Variants in AIM2 observed in about 807,000 individuals in gnomAD.
The protein encoded by AIM2 is interferon-inducible protein AIM2.
AIM2 carries 30 observed loss-of-function variants against 27.7 expected under a neutral mutation model. The observed-to-expected ratio is 1.08, with a 90% confidence interval of 0.81 to 1.47. The LOEUF is 1.47. Among genes scored for constraint, AIM2 ranks in the 40% most tolerant of loss-of-function variants. AIM2 has a pLI of 0.00. For synonymous variants in AIM2, 141 were observed against 145.3 expected, an observed-to-expected ratio of 0.97 and a Z score of 0.21; for missense variants, 358 against 411.3, an observed-to-expected ratio of 0.87 and a Z score of 1.12.
chr1:159,095,418 T>C (rs1657154137), intron 1 of AIM2, among the ~76,000 whole-genome samples: 1 of 152,170 alleles, frequency 6.6e-6, no homozygotes, highest in Admixed American at 6.6e-5. Context: ...GAATTCTCAG[T>C]ACTGAGGGCT....
intron 1 of AIM2, among the ~76,000 whole-genome samples, chr1:159,118,673 A>G (rs920306275): frequency 1.3e-5 from 2 of 152,162 alleles, no homozygotes; most frequent in Non-Finnish European, 2.9e-5. Context: ...TGGTTCCAAA[A>G]TTCATTGATA....
chr1:159,056,596 A>G, the AIM2 span, among the ~76,000 whole-genome samples: 1 of 151,958 alleles, frequency 6.6e-6, no homozygotes, highest in South Asian at 2.1e-4. Context: ...GAAGGCAAGA[A>G]GAGACAAATT....
At chr1:159,146,069 G>A (rs1648196767) in intron 1 of AIM2, among the ~76,000 whole-genome samples, 1 of 150,842 alleles carries the variant, frequency 6.6e-6, no homozygotes, top group Non-Finnish European at 1.5e-5. Context: ...TCACGCCACT[G>A]CACTCCAGCC....
At chr1:159,113,812 C>T (rs543606225) in intron 1 of AIM2, among the ~76,000 whole-genome samples, 1 of 152,258 alleles carries the variant, frequency 6.6e-6, no homozygotes, top group East Asian at 1.9e-4. Context: ...AGATAGAGTT[C>T]TTTATTGAAT....
the AIM2 span, among the ~76,000 whole-genome samples, chr1:159,056,748 A>AAAAAC: frequency 1.4e-5 from 2 of 138,544 alleles, no homozygotes; most frequent in East Asian, 4.4e-4. Flanking sequence ...AAAAAAAAAA[A>AAAAAC]CTACCCTTTA....
At chr1:159,115,594 T>C (rs1647314407) in intron 1 of AIM2, among the ~76,000 whole-genome samples, 1 of 152,220 alleles carries the variant, frequency 6.6e-6, no homozygotes, top group African/African-American at 2.4e-5. Flanking sequence ...AACGATTCCC[T>C]ATTTAATAAA....
chr1:159,128,800 C>A (rs2102047673), intron 1 of AIM2, among the ~76,000 whole-genome samples: 1 of 152,284 alleles, frequency 6.6e-6, no homozygotes, highest in East Asian at 1.9e-4. Context: ...TCCTAGTCAG[C>A]TCACTCTTCA....
chr1:159,055,904 C>T, the AIM2 span, among the ~76,000 whole-genome samples: 5 of 152,238 alleles, frequency 3.3e-5, no homozygotes, highest in East Asian at 7.7e-4. Context: ...AAGGCAAAGT[C>T]ACTTTCTTAA....
chr1:159,068,965 C>T (rs930043842), intron 2 of AIM2, among the ~76,000 whole-genome samples: 1 of 151,872 alleles, frequency 6.6e-6, no homozygotes. Flanking sequence ...ATAGGGAGAC[C>T]CTATCTTTAC....
chr1:159,115,704 T>C (rs1222242721), intron 1 of AIM2, among the ~76,000 whole-genome samples: 3 of 152,184 alleles, frequency 2.0e-5, no homozygotes, highest in South Asian at 2.1e-4. Flanking sequence ...AAGACTTAAA[T>C]GTTAGACCTA....
chr1:159,066,445 G>C (rs1037055225), intron 3 of AIM2, 116 bp from the exon 4 acceptor site: 7 of 1,063,176 alleles, frequency 6.6e-6, no homozygotes, highest in South Asian at 1.6e-5. Flanking sequence ...GTGGAATCAA[G>C]GGAAGAGATA....
chr1:159,128,260 TACACACAC>T (rs35254795), intron 1 of AIM2, among the ~76,000 whole-genome samples: 1 of 147,748 alleles, frequency 6.8e-6, no homozygotes, highest in African/African-American at 2.5e-5. Context: ...TGCCAAGGCT[TACACACAC>T]ACACACACAC....
chr1:159,060,797 G>C (rs1655808368), downstream of AIM2, among the ~76,000 whole-genome samples: 2 of 152,146 alleles, frequency 1.3e-5, no homozygotes, highest in African/African-American at 4.8e-5. Context: ...TTTCAGGTGA[G>C]GGATAATCGA....
At chr1:159,130,735 T>C (rs1437139720) in intron 1 of AIM2, among the ~76,000 whole-genome samples, 1 of 151,976 alleles carries the variant, frequency 6.6e-6, no homozygotes, top group Non-Finnish European at 1.5e-5. Context: ...CTTCAGTCTT[T>C]CTCCAAATTC....
intron 1 of AIM2, chr1:159,132,191 T>C (rs1015440514): frequency 2.6e-5 from 1 of 38,260 alleles, no homozygotes; most frequent in African/African-American, 1.1e-4. Flanking sequence ...CTACTAGAAA[T>C]ACCAAAAAAA....
chr1:159,109,616 A>C (rs902028620), intron 1 of AIM2, among the ~76,000 whole-genome samples: 9 of 152,218 alleles, frequency 5.9e-5, no homozygotes, highest in Non-Finnish European at 1.2e-4. Context: ...CAGCAGAGTA[A>C]ATAGACAACC....
chr1:159,135,945 A>G (rs979638020), intron 1 of AIM2, among the ~76,000 whole-genome samples: 2 of 152,150 alleles, frequency 1.3e-5, no homozygotes, highest in African/African-American at 4.8e-5. Context: ...CCTTCTCAAA[A>G]TAGACACACT....
chr1:159,126,823 C>CA (rs1285545510), intron 1 of AIM2, among the ~76,000 whole-genome samples: 4 of 151,850 alleles, frequency 2.6e-5, no homozygotes, highest in African/African-American at 9.7e-5. Flanking sequence ...TTATAATAGA[C>CA]AAAAAACCTG....
downstream of AIM2, among the ~76,000 whole-genome samples, chr1:159,059,994 C>G (rs28541787): frequency 1.3e-5 from 2 of 152,130 alleles, no homozygotes; most frequent in African/African-American, 4.8e-5. Flanking sequence ...TAGAACAACT[C>G]ACAGAGATGC....
Sources: allele counts gnomAD v4.1 joint callset (sites outside exome capture counted in the v4.1 genomes callset), GRCh38; gene constraint gnomAD v4.1.1; transcripts MANE v1.5; gene names NCBI Gene and HGNC (gene_info 2026-07-23, HGNC 2026-07-21).